The following LOXHD1 variants were observed in gnomAD, a reference collection of about 807,000 sequenced individuals.
LOXHD1 encodes the protein lipoxygenase homology domain-containing protein 1.
Under a neutral mutation model 248.2 loss-of-function variants are expected in LOXHD1, and 205 were observed. The ratio of observed to expected loss-of-function variants is 0.83; its 90% CI spans 0.74 to 0.93. The LOEUF is 0.93. Among genes scored for constraint, LOXHD1 ranks in the 40% least tolerant of loss-of-function variants. The pLI is 0.00. For synonymous variants in LOXHD1, 1,113 were observed against 1,162.8 expected, an observed-to-expected ratio of 0.96 and a Z score of 0.87; for missense variants, 2,930 against 2,971.6, an observed-to-expected ratio of 0.99 and a Z score of 0.33.
intron 21 of LOXHD1, among the ~76,000 whole-genome samples, chr18:46,552,128 C>T (rs1181503258): frequency 6.6e-6 from 1 of 152,112 alleles, no homozygotes; most frequent in Non-Finnish European, 1.5e-5. Flanking sequence ...AGATCTGATA[C>T]ACAACAATGT....
At chr18:46,577,501 G>T (rs2037879954) in intron 14 of LOXHD1, among the ~76,000 whole-genome samples, 1 of 152,192 alleles carries the variant, frequency 6.6e-6, no homozygotes, top group African/African-American at 2.4e-5. Context: ...ACACACCACA[G>T]TGGTGTTCAT....
intron 40 of LOXHD1, among the ~76,000 whole-genome samples, chr18:46,481,899 G>A (rs1450280618): frequency 6.6e-6 from 1 of 152,154 alleles, no homozygotes; most frequent in Non-Finnish European, 1.5e-5. Context: ...CCAACATTGT[G>A]GGTTTAAGGG....
chr18:46,487,596 A>G (rs1193773351), intron 38 of LOXHD1, among the ~76,000 whole-genome samples: 1 of 152,204 alleles, frequency 6.6e-6, no homozygotes, highest in African/African-American at 2.4e-5. Context: ...CCCAATCAGA[A>G]TCCTCCCCAG....
intron 12 of LOXHD1, among the ~76,000 whole-genome samples, chr18:46,580,849 G>C (rs72913449): frequency 0.072 from 10,947 of 152,162 alleles, 505 homozygotes; most frequent in Non-Finnish European, 0.11. Flanking sequence ...AAGTGCAAAG[G>C]CCCCTGTGTG....
chr18:46,639,606 A>G lies in LOXHD1; in HGVS notation c.511+10T>C. 2 of 1,548,876 alleles carry G rather than the reference A, an allele frequency of 1.3e-6. No homozygotes were observed. The highest frequency in any genetic ancestry group is 1.7e-6 in the Non-Finnish European group (2 of 1,145,130). ...GGAGGGATGGCAGGCAGGCCAGCCT[A>G]GGCACTGACCTCTGGGCATGTCCAT... is the stretch of plus-strand genomic sequence containing the variant. On this transcript the variant is annotated intron_variant, in intron 4 of 40. Transcript: ENST00000642948.
chr18:46,505,596 G>A (rs1334701098), intron 37 of LOXHD1, among the ~76,000 whole-genome samples: 1 of 152,114 alleles, frequency 6.6e-6, no homozygotes, highest in African/African-American at 2.4e-5. Context: ...CACAAACAAT[G>A]GAGAACCACT....
At chr18:46,576,676 T>G (rs1359071719) in intron 14 of LOXHD1, among the ~76,000 whole-genome samples, 1 of 152,224 alleles carries the variant, frequency 6.6e-6, no homozygotes, top group East Asian at 1.9e-4. Context: ...CAGTGCTATA[T>G]GTAGAAGACT....
chr18:46,546,817 G>A, intron 22 of LOXHD1, 78 bp downstream of exon 22: 2 of 1,457,166 alleles, frequency 1.4e-6, no homozygotes, highest in Non-Finnish European at 1.8e-6. Context: ...GGGGAGGGAA[G>A]GAAGATGGAG....
chr18:46,531,429 C>A (rs1378708029), intron 28 of LOXHD1, among the ~76,000 whole-genome samples: 1 of 152,136 alleles, frequency 6.6e-6, no homozygotes, highest in Non-Finnish European at 1.5e-5. Context: ...CCCCCTCATC[C>A]ATTTTCTAGC....
intron 37 of LOXHD1, among the ~76,000 whole-genome samples, chr18:46,497,109 G>A (rs1421751332): frequency 6.6e-6 from 1 of 152,256 alleles, no homozygotes; most frequent in African/African-American, 2.4e-5. Context: ...AATGTCTGTT[G>A]AAGGGGTGGA....
At chr18:46,506,082 G>T in intron 36 of LOXHD1, 59 bp from the exon 37 acceptor site, 2 of 1,529,918 alleles carry the variant, frequency 1.3e-6, no homozygotes, top group Non-Finnish European at 1.8e-6. Flanking sequence ...CAGTCCTCTT[G>T]CTCTGGCCTT....
intron 21 of LOXHD1, among the ~76,000 whole-genome samples, chr18:46,555,807 C>T (rs897519600): frequency 6.6e-6 from 1 of 152,086 alleles, no homozygotes; most frequent in African/African-American, 2.4e-5. Flanking sequence ...CTGGTCCTAG[C>T]TGTGGCACTG....
chr18:46,520,805 T>C, intron 33 of LOXHD1: 1 of 380,710 alleles, frequency 2.6e-6, no homozygotes, highest in South Asian at 4.6e-5. Context: ...AACAAGACCA[T>C]ACATGGAACA....
At chr18:46,577,932 A>G (rs2144135837) in intron 13 of LOXHD1, 65 bp from the exon 14 acceptor site, 2 of 1,517,836 alleles carry the variant, frequency 1.3e-6, no homozygotes, top group Non-Finnish European at 1.8e-6. Context: ...CACCAAGGGA[A>G]GACATAAGCT....
intron 2 of LOXHD1, among the ~76,000 whole-genome samples, chr18:46,644,269 G>T (rs960763101): frequency 1.3e-5 from 2 of 152,152 alleles, no homozygotes; most frequent in Non-Finnish European, 2.9e-5. Flanking sequence ...AAAAGGAAGG[G>T]AAGTATCCCC....
intron 4 of LOXHD1, among the ~76,000 whole-genome samples, chr18:46,639,143 A>G (rs544384655): frequency 6.6e-6 from 1 of 152,274 alleles, no homozygotes; most frequent in South Asian, 2.1e-4. Context: ...TACTCCTCAT[A>G]AAATCAGGAG....
intron 37 of LOXHD1, among the ~76,000 whole-genome samples, chr18:46,494,076 T>C (rs2033672606): frequency 6.6e-6 from 1 of 152,284 alleles, no homozygotes; most frequent in East Asian, 1.9e-4. Flanking sequence ...TGCAATGCCC[T>C]CCAAAATCCC....
At position 46,577,814 on chromosome 18, in the gene LOXHD1, C is replaced by G. The variant is rs1228604442; in HGVS notation, c.1863G>C (p.Arg621Ser). 5.8e-6 allele frequency: 9 copies of G among 1,551,584 alleles called. No individual in the cohort carries two copies. In the Admixed American group the frequency reaches 1.2e-4, roughly 20 times the overall value. ...SVTMRNVRRV[R>S]IRHDGKGSGS... ...CGGAGCCTTTGCCATCGTGTCTGATCCTCACCCGCCTCACATTCCGCATGG... is the reference window on the plus strand; with the variant it reads ...CGGAGCCTTTGCCATCGTGTCTGATGCTCACCCGCCTCACATTCCGCATGG... Residue 621 changes from arginine (R) to serine (S), a missense_variant, in exon 14 of 41, where the codon AGG becomes AGC. Arg to Ser is a moderately radical substitution (Grantham distance 110). Coordinates refer to ENST00000642948, the MANE Select transcript of LOXHD1 (RefSeq NM_001384474.1).
At chr18:46,627,652 G>C (rs2038761639) in intron 4 of LOXHD1, among the ~76,000 whole-genome samples, 1 of 152,040 alleles carries the variant, frequency 6.6e-6, no homozygotes, top group Admixed American at 6.6e-5. Context: ...GTGGTTCTGG[G>C]AGGGTGGAGG....
Sources: allele counts gnomAD v4.1 joint callset (sites outside exome capture counted in the v4.1 genomes callset), GRCh38; gene constraint gnomAD v4.1.1; transcripts MANE v1.5; gene names NCBI Gene and HGNC (gene_info 2026-07-23, HGNC 2026-07-21).